PHACTR1: variants seen among roughly 807,000 people sequenced by gnomAD.
PHACTR1 encodes phosphatase and actin regulator 1.
A neutral mutation model predicts 69.2 loss-of-function variants in PHACTR1; 16 were observed. That is an observed-to-expected ratio of 0.23 (90% CI 0.16 to 0.35). The LOEUF (loss-of-function observed/expected upper bound fraction) is 0.35, where lower values mean the gene tolerates loss of function less well. PHACTR1 is among the 10% of genes least tolerant of loss of function. PHACTR1 has a pLI of 1.00. For missense variants in PHACTR1, 510 were observed against 734.7 expected, an observed-to-expected ratio of 0.69 and a Z score of 3.54; for synonymous variants, 312 against 284.5, an observed-to-expected ratio of 1.10 and a Z score of -0.97.
At chr6:13,169,205 G>A (rs369863833) in intron 6 of PHACTR1, among the ~76,000 whole-genome samples, 2 of 152,176 alleles carry the variant, frequency 1.3e-5, no homozygotes, top group African/African-American at 2.4e-5. Flanking sequence ...GGATTTGGGC[G>A]TGGGCGACTG....
chr6:13,227,810 A>C lies in PHACTR1; in HGVS notation c.987-6A>C, dbSNP rs1416652081. On this transcript the variant is annotated splice_region_variant and splice_polypyrimidine_tract_variant and intron_variant, in intron 8 of 14. Transcript: ENST00000332995. ...AATTTCCTCTTTCCTCCTTGTCTTT[A>C]AACAGCTCTGAGCAGCGGGTCCCCT... 1 of 1,611,904 alleles carries C rather than the reference A, an allele frequency of 6.2e-7. No homozygotes were observed. Among genetic ancestry groups the C allele is most frequent in the Non-Finnish European group, 8.5e-7 (1 of 1,178,552 alleles).
At chr6:12,947,034 A>T (rs1790751856) in intron 4 of PHACTR1, among the ~76,000 whole-genome samples, 1 of 151,648 alleles carries the variant, frequency 6.6e-6, no homozygotes, top group South Asian at 2.1e-4. Flanking sequence ...CCTGGTCTCA[A>T]ACTCCTGATG....
chr6:13,018,793 G>A (rs1246262503), intron 4 of PHACTR1, among the ~76,000 whole-genome samples: 1 of 152,076 alleles, frequency 6.6e-6, no homozygotes, highest in African/African-American at 2.4e-5. Flanking sequence ...ACTTCCAAAG[G>A]AATTCAGATT....
At chr6:12,752,716 T>C (rs995907671) in intron 4 of PHACTR1, among the ~76,000 whole-genome samples, 26 of 152,234 alleles carry the variant, frequency 1.7e-4, no homozygotes, top group Non-Finnish European at 1.5e-5. Context: ...AACTACACCC[T>C]ATCTCCAACA....
intron 4 of PHACTR1, among the ~76,000 whole-genome samples, chr6:12,793,099 G>C (rs922140979): frequency 6.6e-6 from 1 of 152,064 alleles, no homozygotes; most frequent in Non-Finnish European, 1.5e-5. Flanking sequence ...TATTAGTAGC[G>C]TTCACATTAA....
intron 4 of PHACTR1, among the ~76,000 whole-genome samples, chr6:12,833,325 C>T (rs956461583): frequency 3.3e-5 from 5 of 151,726 alleles, no homozygotes; most frequent in Non-Finnish European, 7.4e-5. Flanking sequence ...GTGGTGCGAT[C>T]TCAGCTCACT....
At chr6:13,062,646 C>T in intron 5 of PHACTR1, among the ~76,000 whole-genome samples, 1 of 152,168 alleles carries the variant, frequency 6.6e-6, no homozygotes, top group Non-Finnish European at 1.5e-5. Flanking sequence ...GGTTGCCTTC[C>T]ATGCTAGCCC....
At chr6:13,166,331 CA>C (rs1759807337) in intron 6 of PHACTR1, among the ~76,000 whole-genome samples, 1 of 152,150 alleles carries the variant, frequency 6.6e-6, no homozygotes, top group South Asian at 2.1e-4. Context: ...ATGTATTTAT[CA>C]TGTTAATTTT....
At chr6:13,223,212 T>G (rs991891682) in intron 8 of PHACTR1, among the ~76,000 whole-genome samples, 8 of 152,142 alleles carry the variant, frequency 5.3e-5, no homozygotes, top group African/African-American at 1.9e-4. Context: ...AAAGATGCCA[T>G]ACACAAAAAA....
At chr6:12,846,655 A>G (rs1363593905) in intron 4 of PHACTR1, among the ~76,000 whole-genome samples, 1 of 151,612 alleles carries the variant, frequency 6.6e-6, no homozygotes, top group African/African-American at 2.4e-5. Flanking sequence ...AAGTAATATT[A>G]ATCTTACAGG....
At chr6:12,730,478 A>T (rs184932728) in intron 3 of PHACTR1, among the ~76,000 whole-genome samples, 4 of 121,824 alleles carry the variant, frequency 3.3e-5, no homozygotes, top group South Asian at 2.3e-4. Flanking sequence ...CACGTGATTT[A>T]AAAAAAAAAA....
intron 10 of PHACTR1, among the ~76,000 whole-genome samples, chr6:13,231,584 C>G (rs1000135953): frequency 4.0e-5 from 6 of 151,342 alleles, no homozygotes; most frequent in South Asian, 2.1e-4. Flanking sequence ...CAAACACACT[C>G]TCTGATATAC....
intron 13 of PHACTR1, among the ~76,000 whole-genome samples, chr6:13,284,938 C>A (rs1257723409): frequency 1.3e-5 from 2 of 152,200 alleles, no homozygotes; most frequent in South Asian, 4.1e-4. Flanking sequence ...ACAGCATTCA[C>A]ATCTTCTCTG....
chr6:12,872,596 T>C (rs988773841), intron 4 of PHACTR1, among the ~76,000 whole-genome samples: 6 of 152,228 alleles, frequency 3.9e-5, no homozygotes, highest in African/African-American at 1.2e-4. Flanking sequence ...GATGTGACTA[T>C]TTAAATTTCA....
At chr6:12,806,817 A>C (rs1020596981) in intron 4 of PHACTR1, among the ~76,000 whole-genome samples, 3 of 152,224 alleles carry the variant, frequency 2.0e-5, no homozygotes, top group African/African-American at 7.2e-5. Flanking sequence ...ACTTTACATC[A>C]AAATCCCTGG....
At chr6:12,889,394 A>G (rs896916442) in intron 4 of PHACTR1, among the ~76,000 whole-genome samples, 1 of 152,248 alleles carries the variant, frequency 6.6e-6, no homozygotes, top group Non-Finnish European at 1.5e-5. Flanking sequence ...TCTCAAAGAC[A>G]TAGAATGATT....
At chr6:13,184,711 C>A in intron 7 of PHACTR1, 1 of 1,079,522 alleles carries the variant, frequency 9.3e-7, no homozygotes, top group Non-Finnish European at 1.3e-6. Flanking sequence ...GTGTTGCCAG[C>A]CCGAGTCCCT....
At chr6:12,949,125 C>G (rs1790995481) in intron 4 of PHACTR1, among the ~76,000 whole-genome samples, 1 of 151,954 alleles carries the variant, frequency 6.6e-6, no homozygotes, top group Admixed American at 6.6e-5. Context: ...ACAAAATTAG[C>G]CTGGTGTAGC....
chr6:13,149,131 C>G (rs1458230787), intron 5 of PHACTR1, among the ~76,000 whole-genome samples: 3 of 152,122 alleles, frequency 2.0e-5, no homozygotes, highest in Non-Finnish European at 2.9e-5. Flanking sequence ...GCTGACCTCC[C>G]TGGTGCCTTT....
Sources: gnomAD v4.1 joint callset for allele counts (sites outside exome capture counted in the v4.1 genomes callset) on GRCh38, gnomAD v4.1.1 for gene constraint, MANE v1.5 for transcripts, NCBI Gene and HGNC (gene_info 2026-07-23, HGNC 2026-07-21) for gene names.